Variants in RNF220 observed in about 807,000 individuals in gnomAD.
RNF220 encodes ring finger protein 220.
In RNF220, 7 loss-of-function variants were observed where a neutral mutation model predicts 67.1. The ratio of observed to expected loss-of-function variants is 0.10; its 90% CI spans 0.06 to 0.20. RNF220 has a LOEUF of 0.20. RNF220 is among the 10% of genes least tolerant of loss of function. RNF220 has a pLI of 1.00. For synonymous variants in RNF220, 270 were observed against 283.2 expected, an observed-to-expected ratio of 0.95 and a Z score of 0.47; for missense variants, 565 against 740.3, an observed-to-expected ratio of 0.76 and a Z score of 2.75.
At chr1:44,590,673 C>T (rs905669309) in intron 2 of RNF220, among the ~76,000 whole-genome samples, 3 of 152,182 alleles carry the variant, frequency 2.0e-5, no homozygotes, top group African/African-American at 4.8e-5. Context: ...GAGTGGATGC[C>T]GCTGATACCA....
At chr1:44,452,587 C>T (rs935785385) in intron 2 of RNF220, among the ~76,000 whole-genome samples, 4 of 151,832 alleles carry the variant, frequency 2.6e-5, no homozygotes, top group Non-Finnish European at 4.4e-5. Context: ...AATAATAAAC[C>T]GTATGGGGCC....
intron 2 of RNF220, among the ~76,000 whole-genome samples, chr1:44,509,896 A>G (rs1557996642): frequency 2.0e-5 from 3 of 148,218 alleles, no homozygotes. Flanking sequence ...AAAAAAAAAA[A>G]AAAAAAAAAA....
intron 2 of RNF220, among the ~76,000 whole-genome samples, chr1:44,501,377 G>T (rs1166997941): frequency 6.6e-6 from 1 of 152,064 alleles, no homozygotes; most frequent in Non-Finnish European, 1.5e-5. Flanking sequence ...TAGAGTTGAG[G>T]GGGAGGGGGT....
intron 2 of RNF220, chr1:44,573,049 T>G (rs1457535672): frequency 2.7e-6 from 1 of 365,008 alleles, no homozygotes; most frequent in Non-Finnish European, 5.6e-6. Context: ...TGCCAGAATG[T>G]GGTACAGGGT....
intron 2 of RNF220, among the ~76,000 whole-genome samples, chr1:44,500,988 C>G (rs1038405604): frequency 6.6e-6 from 1 of 151,968 alleles, no homozygotes; most frequent in African/African-American, 2.4e-5. Flanking sequence ...CCATAGAGGC[C>G]CCTCGATTTG....
chr1:44,538,000 A>G (rs1661367929), intron 2 of RNF220, among the ~76,000 whole-genome samples: 1 of 152,246 alleles, frequency 6.6e-6, no homozygotes, highest in African/African-American at 2.4e-5. Context: ...CAGAATAGTT[A>G]CTTTCGTCTG....
intron 3 of RNF220, among the ~76,000 whole-genome samples, chr1:44,618,584 G>C (rs1643657225): frequency 6.6e-6 from 1 of 152,236 alleles, no homozygotes; most frequent in Non-Finnish European, 1.5e-5. Context: ...GGAGGGCAAA[G>C]TTAGATGGAG....
chr1:44,450,944 T>G (rs917846253), intron 2 of RNF220, among the ~76,000 whole-genome samples: 20 of 152,050 alleles, frequency 1.3e-4, no homozygotes, highest in Non-Finnish European at 2.1e-4. Context: ...AGCACTTTGG[T>G]AGGCCGAGGT....
At chr1:44,648,739 C>CT (rs1644713657) in intron 12 of RNF220, 1 of 152,320 alleles carries the variant, frequency 6.6e-6, no homozygotes, top group East Asian at 1.9e-4. Flanking sequence ...ATCTGTCCCC[C>CT]TCTCCCTGGA....
intron 2 of RNF220, among the ~76,000 whole-genome samples, chr1:44,513,408 TTCTCTCTCCTCC>T (rs1310712368): frequency 6.6e-6 from 1 of 152,314 alleles, no homozygotes; most frequent in East Asian, 1.9e-4. Flanking sequence ...TTCTCCTCTT[TTCTCTCTCCTCC>T]TCTCTCTCTT....
At chr1:44,543,979 G>T (rs914531088) in intron 2 of RNF220, among the ~76,000 whole-genome samples, 1 of 152,212 alleles carries the variant, frequency 6.6e-6, no homozygotes, top group Non-Finnish European at 1.5e-5. Context: ...ATTATGCCCA[G>T]TTGCCCGGAA....
chr1:44,567,401 G>A (rs970381855), intron 2 of RNF220, among the ~76,000 whole-genome samples: 8 of 152,072 alleles, frequency 5.3e-5, no homozygotes, highest in African/African-American at 1.7e-4. Flanking sequence ...CATAGCCCCC[G>A]CCAGAGTCTC....
intron 2 of RNF220, among the ~76,000 whole-genome samples, chr1:44,516,173 C>A (rs1659436038): frequency 6.6e-6 from 1 of 152,130 alleles, no homozygotes; most frequent in Admixed American, 6.5e-5. Flanking sequence ...TAAACTGCCT[C>A]GTCTAAGTTA....
intron 2 of RNF220, among the ~76,000 whole-genome samples, chr1:44,522,536 G>C (rs1281338504): frequency 2.6e-5 from 4 of 152,194 alleles, no homozygotes; most frequent in Admixed American, 1.3e-4. Context: ...GAAGAAAAGA[G>C]AGACCTTAAT....
chr1:44,569,653 A>G (rs1053123631), intron 2 of RNF220, among the ~76,000 whole-genome samples: 2 of 152,202 alleles, frequency 1.3e-5, no homozygotes, highest in African/African-American at 4.8e-5. Flanking sequence ...CTTAGGCACC[A>G]GCTCAGACCC....
intron 2 of RNF220, among the ~76,000 whole-genome samples, chr1:44,421,988 C>G (rs1204624228): frequency 6.6e-6 from 1 of 152,146 alleles, no homozygotes; most frequent in African/African-American, 2.4e-5. Flanking sequence ...CTTCATGGCT[C>G]CATTTAAAGG....
intron 2 of RNF220, among the ~76,000 whole-genome samples, chr1:44,448,214 G>A (rs376378861): frequency 6.6e-6 from 1 of 152,196 alleles, no homozygotes; most frequent in African/African-American, 2.4e-5. Context: ...CACGAGAATC[G>A]CTCGAACCTG....
At chr1:44,642,148 G>C (rs1262079837) in intron 8 of RNF220, among the ~76,000 whole-genome samples, 1 of 152,232 alleles carries the variant, frequency 6.6e-6, no homozygotes, top group African/African-American at 2.4e-5. Flanking sequence ...TTCCACTCTG[G>C]TGAGGGACAG....
chr1:44,408,410 G>T (rs1480237667), intron 1 of RNF220, among the ~76,000 whole-genome samples: 1 of 152,120 alleles, frequency 6.6e-6, no homozygotes, highest in Admixed American at 6.5e-5. Context: ...CTGAGCTCTC[G>T]CATATGGTGG....
Sources: allele counts gnomAD v4.1 joint callset (sites outside exome capture counted in the v4.1 genomes callset), GRCh38; gene constraint gnomAD v4.1.1; transcripts MANE v1.5; gene names NCBI Gene and HGNC (gene_info 2026-07-23, HGNC 2026-07-21).